The following HS6ST2 variants were observed in gnomAD, a reference collection of about 807,000 sequenced individuals.
HS6ST2 encodes the protein heparan sulfate 6-O-sulfotransferase 2, also known as heparan-sulfate 6-O-sulfotransferase 2.
A neutral mutation model predicts 33.0 loss-of-function variants in HS6ST2; 17 were observed. The ratio of observed to expected loss-of-function variants is 0.52; its 90% CI spans 0.35 to 0.77. The LOEUF is 0.77. Among genes scored for constraint, HS6ST2 ranks in the 30% least tolerant of loss-of-function variants. The pLI, the probability that HS6ST2 is intolerant of heterozygous loss-of-function variation, is 0.01. For missense variants in HS6ST2, 519 were observed against 551.7 expected, an observed-to-expected ratio of 0.94 and a Z score of 0.59; for synonymous variants, 248 against 237.1, an observed-to-expected ratio of 1.05 and a Z score of -0.42.
At chrX:132,750,347 G>GAAAAAAAAAAAAAAAAA (rs1156312851) in intron 2 of HS6ST2, among the ~76,000 whole-genome samples, 1 of 56,413 alleles carries the variant, frequency 1.8e-5, no homozygotes, top group African/African-American at 6.1e-5. Flanking sequence ...TGCCCATCAA[G>GAAAAAAAAAAAAAAAAA]AAAAAAAAAA....
intron 4 of HS6ST2, among the ~76,000 whole-genome samples, chrX:132,641,644 T>A (rs774220420): frequency 8.9e-6 from 1 of 112,968 alleles, no homozygotes; most frequent in South Asian, 3.6e-4. Context: ...TTACAATGCA[T>A]GAAAACCATA....
At chrX:132,891,479 C>A (rs1253715873) in intron 2 of HS6ST2, among the ~76,000 whole-genome samples, 1 of 108,453 alleles carries the variant, frequency 9.2e-6, no homozygotes, top group Non-Finnish European at 1.9e-5. Context: ...TGGTGTGCTG[C>A]ACCCATTAAC....
At chrX:132,747,374 A>G (rs2064654468) in intron 2 of HS6ST2, among the ~76,000 whole-genome samples, 1 of 112,036 alleles carries the variant, frequency 8.9e-6, no homozygotes, top group South Asian at 3.8e-4. Flanking sequence ...TGGAAGGGAA[A>G]TGTGACTAGA....
intron 2 of HS6ST2, among the ~76,000 whole-genome samples, chrX:132,745,008 G>T (rs938125218): frequency 3.6e-5 from 4 of 111,562 alleles, no homozygotes; most frequent in Admixed American, 9.5e-5. Flanking sequence ...TTGTTACCTG[G>T]GTATATTGTG....
At chrX:132,772,964 A>G (rs2064921501) in intron 2 of HS6ST2, among the ~76,000 whole-genome samples, 1 of 86,142 alleles carries the variant, frequency 1.2e-5, no homozygotes, top group African/African-American at 4.5e-5. Context: ...ATATATTAAT[A>G]TATAATATAT....
At chrX:132,787,272 ATAT>A (rs1301817529) in intron 2 of HS6ST2, among the ~76,000 whole-genome samples, 1 of 91,080 alleles carries the variant, frequency 1.1e-5, no homozygotes, top group Non-Finnish European at 2.1e-5. Flanking sequence ...TATTTATAAT[ATAT>A]TATTATATTT....
At chrX:132,772,135 A>G (rs1233585087) in intron 2 of HS6ST2, among the ~76,000 whole-genome samples, 1 of 111,960 alleles carries the variant, frequency 8.9e-6, no homozygotes, top group Non-Finnish European at 1.9e-5. Flanking sequence ...AAATCAAATT[A>G]CAGATGCATA....
chrX:132,769,210 A>G (rs1184890938), intron 2 of HS6ST2, among the ~76,000 whole-genome samples: 1 of 112,515 alleles, frequency 8.9e-6, no homozygotes, highest in Non-Finnish European at 1.9e-5. Context: ...CAGGCAAAGA[A>G]TACCTTTTCC....
intron 2 of HS6ST2, among the ~76,000 whole-genome samples, chrX:132,944,923 C>T (rs1427166624): frequency 9.0e-5 from 10 of 111,698 alleles, no homozygotes; most frequent in Non-Finnish European, 1.9e-4. Flanking sequence ...CTAGGCAATA[C>T]CATTCAGGAC....
intron 3 of HS6ST2, among the ~76,000 whole-genome samples, chrX:132,690,564 T>C (rs746824085): frequency 8.9e-6 from 1 of 112,145 alleles, no homozygotes; most frequent in African/African-American, 3.2e-5. Flanking sequence ...TATCTTCTTC[T>C]GTTTTGTCTC....
At chrX:132,855,653 T>G (rs2065846500) in intron 2 of HS6ST2, among the ~76,000 whole-genome samples, 1 of 111,500 alleles carries the variant, frequency 9.0e-6, no homozygotes, top group African/African-American at 3.3e-5. Flanking sequence ...AATAAACAGT[T>G]CCCAGCCACC....
At chrX:132,754,755 A>C (rs966713749) in intron 2 of HS6ST2, among the ~76,000 whole-genome samples, 2 of 109,716 alleles carry the variant, frequency 1.8e-5, no homozygotes, top group African/African-American at 6.7e-5. Context: ...TCTGCTGCCC[A>C]GGCTGGAGTG....
intron 2 of HS6ST2, among the ~76,000 whole-genome samples, chrX:132,938,419 C>T (rs1283223411): frequency 2.7e-5 from 3 of 109,612 alleles, no homozygotes; most frequent in Non-Finnish European, 5.7e-5. Context: ...AGGCAGTACA[C>T]CACTTGAGCC....
At chrX:132,818,302 G>T (rs938914649) in intron 2 of HS6ST2, among the ~76,000 whole-genome samples, 1 of 111,032 alleles carries the variant, frequency 9.0e-6, no homozygotes, top group Non-Finnish European at 1.9e-5. Context: ...TTACTGTTTG[G>T]TTGAGTGACT....
intron 2 of HS6ST2, among the ~76,000 whole-genome samples, chrX:132,933,406 T>C (rs1244824101): frequency 9.0e-6 from 1 of 111,005 alleles, no homozygotes; most frequent in East Asian, 2.8e-4. Flanking sequence ...CTTGAAGATA[T>C]TTCAGTAGAC....
intron 2 of HS6ST2, among the ~76,000 whole-genome samples, chrX:132,803,686 G>C (rs1445402148): frequency 8.9e-6 from 1 of 111,927 alleles, no homozygotes; most frequent in African/African-American, 3.2e-5. Flanking sequence ...TGGGATTACA[G>C]GCATGAGCCA....
At chrX:132,923,695 C>T (rs746658515) in intron 2 of HS6ST2, among the ~76,000 whole-genome samples, 6 of 111,637 alleles carry the variant, frequency 5.4e-5, no homozygotes, top group Non-Finnish European at 9.4e-5. Flanking sequence ...TTCATTTCCA[C>T]TTCACCATTA....
intron 2 of HS6ST2, among the ~76,000 whole-genome samples, chrX:132,855,731 C>G (rs1287737818): frequency 8.9e-6 from 1 of 111,961 alleles, no homozygotes; most frequent in Non-Finnish European, 1.9e-5. Context: ...TGGCATGGCC[C>G]AAATCTTGGG....
chrX:132,913,424 C>T (rs774102305), intron 2 of HS6ST2, among the ~76,000 whole-genome samples: 2 of 112,519 alleles, frequency 1.8e-5, no homozygotes, highest in African/African-American at 6.4e-5. Flanking sequence ...TGTAACACCC[C>T]CTCTGGGGCT....
Sources: gnomAD v4.1 joint callset for allele counts (sites outside exome capture counted in the v4.1 genomes callset) on GRCh38, gnomAD v4.1.1 for gene constraint, MANE v1.5 for transcripts, NCBI Gene and HGNC (gene_info 2026-07-23, HGNC 2026-07-21) for gene names.